Variants in ATRNL1 observed in about 807,000 individuals in gnomAD.
ATRNL1 encodes the protein attractin like 1.
A neutral mutation model predicts 182.7 loss-of-function variants in ATRNL1; 95 were observed. The ratio of observed to expected loss-of-function variants is 0.52; its 90% confidence interval spans 0.44 to 0.62. ATRNL1 has a LOEUF of 0.62. ATRNL1 is among the 20% of genes least tolerant of loss of function. The probability of loss-of-function intolerance (pLI) is 0.00; values close to 1 mark genes in which losing one functional copy is unlikely to be tolerated. For synonymous variants in ATRNL1, 576 were observed against 568.3 expected, an observed-to-expected ratio of 1.01 and a Z score of -0.19; for missense variants, 1,471 against 1,679.5, an observed-to-expected ratio of 0.88 and a Z score of 2.17.
Position 115,300,014 on chromosome 10 carries a change from C to T in ATRNL1, c.2416-20C>T. On this transcript the variant is annotated intron_variant, in intron 15 of 28. Transcript: ENST00000355044. ...TTACATCTAACTTTCTTTGAATGCCCCTTTTCCTGTTGTTTACAGAAAGTA... is the reference window on the plus strand; with the variant it reads ...TTACATCTAACTTTCTTTGAATGCCTCTTTTCCTGTTGTTTACAGAAAGTA... 2 of 1,565,780 alleles carry T rather than the reference C, an allele frequency of 1.3e-6. No homozygotes were observed. Among genetic ancestry groups the T allele is most frequent in the Non-Finnish European group, 1.8e-6 (2 of 1,140,724 alleles).
intron 9 of ATRNL1, among the ~76,000 whole-genome samples, chr10:115,228,067 T>TA (rs1325606816): frequency 9.2e-5 from 14 of 152,054 alleles, no homozygotes; most frequent in South Asian, 2.1e-4. Flanking sequence ...TAAAAATTTA[T>TA]AAAAAAATAG....
intron 27 of ATRNL1, among the ~76,000 whole-genome samples, chr10:115,765,873 G>A (rs1948845408): frequency 6.6e-6 from 1 of 152,054 alleles, no homozygotes; most frequent in Non-Finnish European, 1.5e-5. Context: ...TATTCAACTA[G>A]TCCCCCACTG....
At chr10:115,371,857 A>G (rs150251805) in intron 19 of ATRNL1, among the ~76,000 whole-genome samples, 1 of 152,292 alleles carries the variant, frequency 6.6e-6, no homozygotes, top group African/African-American at 2.4e-5. Flanking sequence ...CCCAAGTCTC[A>G]TCTTGAATTG....
intron 26 of ATRNL1, among the ~76,000 whole-genome samples, chr10:115,568,285 A>G (rs1391926781): frequency 1.3e-5 from 2 of 152,096 alleles, no homozygotes; most frequent in Non-Finnish European, 2.9e-5. Context: ...AGAATAAATT[A>G]TAATTGGTTT....
intron 21 of ATRNL1, among the ~76,000 whole-genome samples, chr10:115,433,736 GA>G (rs1443177180): frequency 6.6e-6 from 1 of 151,836 alleles, no homozygotes; most frequent in African/African-American, 2.4e-5. Context: ...TAGCTAAAAG[GA>G]AAAAAATTGC....
At chr10:115,938,537 G>A (rs1438406962) in intron 28 of ATRNL1, among the ~76,000 whole-genome samples, 1 of 152,048 alleles carries the variant, frequency 6.6e-6, no homozygotes, top group Non-Finnish European at 1.5e-5. Context: ...AAATAGCTGT[G>A]GGGTACTCCC....
intron 25 of ATRNL1, among the ~76,000 whole-genome samples, chr10:115,528,899 A>G (rs971537963): frequency 2.0e-5 from 3 of 152,090 alleles, no homozygotes; most frequent in African/African-American, 7.2e-5. Flanking sequence ...GTGTGTTGGT[A>G]ATTTCCACAT....
chr10:115,431,652 GAC>G (rs1211971235), intron 21 of ATRNL1, among the ~76,000 whole-genome samples: 2 of 151,924 alleles, frequency 1.3e-5, no homozygotes, highest in Non-Finnish European at 2.9e-5. Flanking sequence ...TTTCAAAAAT[GAC>G]AGTTTTTGTC....
chr10:115,136,436 C>A (rs1164341795), intron 5 of ATRNL1, among the ~76,000 whole-genome samples: 1 of 152,198 alleles, frequency 6.6e-6, no homozygotes, highest in Admixed American at 6.5e-5. Flanking sequence ...TGAGCTCACA[C>A]TGACAAATCA....
At chr10:115,403,075 A>T (rs1206491669) in intron 20 of ATRNL1, among the ~76,000 whole-genome samples, 1 of 152,014 alleles carries the variant, frequency 6.6e-6, no homozygotes, top group Non-Finnish European at 1.5e-5. Flanking sequence ...TTGTTTTATC[A>T]AGTCTCTTTT....
At chr10:115,196,053 C>T (rs1848347336) in intron 8 of ATRNL1, among the ~76,000 whole-genome samples, 1 of 152,016 alleles carries the variant, frequency 6.6e-6, no homozygotes, top group African/African-American at 2.4e-5. Flanking sequence ...CCCAGATGCT[C>T]AGGAGCCTGA....
At chr10:115,816,398 A>G (rs183719525) in intron 27 of ATRNL1, among the ~76,000 whole-genome samples, 19 of 152,256 alleles carry the variant, frequency 1.2e-4, no homozygotes, top group Admixed American at 2.0e-4. Context: ...AATTCAACAA[A>G]TACATAGTGA....
intron 26 of ATRNL1, among the ~76,000 whole-genome samples, chr10:115,600,476 A>G (rs754032055): frequency 6.6e-6 from 1 of 151,842 alleles, no homozygotes; most frequent in Non-Finnish European, 1.5e-5. Context: ...CATAGTTATA[A>G]TTTTCAGTTT....
rs1555125081 is a variant in ATRNL1, at chr10:115,944,741, C to T, written c.4102C>T (p.Arg1368Ter). 1.2e-6 allele frequency: 2 copies of T among 1,613,562 alleles called. No homozygotes were observed. The highest frequency in any genetic ancestry group is 1.3e-5 in the African/African-American group (1 of 74,892). ...SKDKTSGVRN[R>*]KHLSTRQGTC... is the part of the protein sequence containing the mutation. ...AGATAAGACTTCTGGAGTCCGGAAT[C>T]GAAAACACCTTTCAACACGTCAAGG... Residue 1368 changes from arginine (R) to a stop codon, truncating the protein, a stop_gained, in exon 29 of 29, where the codon CGA (arginine) becomes TGA (stop). Transcript: ENST00000355044. LOFTEE classifies it high-confidence loss of function.
chr10:115,939,902 C>A (rs1953675337), intron 28 of ATRNL1, among the ~76,000 whole-genome samples: 1 of 152,186 alleles, frequency 6.6e-6, no homozygotes, highest in South Asian at 2.1e-4. Context: ...AATGGCAACA[C>A]AAAGAACCTA....
At chr10:115,357,094 G>T (rs528841795) in intron 19 of ATRNL1, among the ~76,000 whole-genome samples, 40 of 151,908 alleles carry the variant, frequency 2.6e-4, no homozygotes, top group South Asian at 2.1e-4. Context: ...GCACTATTTG[G>T]TTTTTTAAAA....
At chr10:115,849,069 G>A (rs1950994609) in intron 28 of ATRNL1, among the ~76,000 whole-genome samples, 1 of 152,176 alleles carries the variant, frequency 6.6e-6, no homozygotes, top group Admixed American at 6.5e-5. Flanking sequence ...AGGTATTCAT[G>A]TAACAGAATT....
intron 20 of ATRNL1, among the ~76,000 whole-genome samples, chr10:115,411,344 T>C (rs957627141): frequency 6.6e-6 from 1 of 151,680 alleles, no homozygotes; most frequent in Admixed American, 6.6e-5. Context: ...GTAGAATTAT[T>C]TTATATTTTG....
intron 27 of ATRNL1, among the ~76,000 whole-genome samples, chr10:115,795,430 A>G (rs1465434733): frequency 6.6e-6 from 1 of 152,072 alleles, no homozygotes; most frequent in Non-Finnish European, 1.5e-5. Context: ...CTTTTATGTG[A>G]CCAGTCTCCT....
Sources: allele counts gnomAD v4.1 joint callset (sites outside exome capture counted in the v4.1 genomes callset), GRCh38; gene constraint gnomAD v4.1.1; transcripts MANE v1.5; gene names NCBI Gene and HGNC (gene_info 2026-07-23, HGNC 2026-07-21).